The following MSRA variants were observed in gnomAD, a reference collection of about 807,000 sequenced individuals.
MSRA encodes methionine sulfoxide reductase A.
MSRA carries 54 observed loss-of-function variants against 31.3 expected under a neutral mutation model. The ratio of observed to expected loss-of-function variants is 1.73; its 90% CI spans 1.39 to 2.17. MSRA has a LOEUF of 2.17. Ranked by LOEUF, MSRA falls within the 30% of genes most tolerant of loss-of-function variation. The pLI, the probability that MSRA is intolerant of heterozygous loss-of-function variation, is 0.00. For missense variants in MSRA, 507 were observed against 300.9 expected (o/e 1.69, Z -5.07); for synonymous variants, 169 against 116.5 (o/e 1.45, Z -2.90).
At chr8:10,287,751 G>A (rs1015419773) in intron 3 of MSRA, among the ~76,000 whole-genome samples, 1 of 152,146 alleles carries the variant, frequency 6.6e-6, no homozygotes, top group Non-Finnish European at 1.5e-5. Flanking sequence ...TATCCTACAG[G>A]TGTGAAGTTG....
chr8:10,363,738 C>CCA (rs71203319), intron 5 of MSRA, among the ~76,000 whole-genome samples: 2,783 of 103,340 alleles, frequency 0.027, 85 homozygotes, highest in Middle Eastern at 0.056. Context: ...GATGCAGTCA[C>CCA]CACACACACA....
intron 3 of MSRA, among the ~76,000 whole-genome samples, chr8:10,259,773 C>G (rs1798373944): frequency 6.6e-6 from 1 of 152,214 alleles, no homozygotes; most frequent in Non-Finnish European, 1.5e-5. Context: ...CTCTCCCGGA[C>G]CTCAGCTTCC....
intron 1 of MSRA, among the ~76,000 whole-genome samples, chr8:10,101,089 T>C (rs1190027055): frequency 6.6e-6 from 1 of 152,200 alleles, no homozygotes; most frequent in Non-Finnish European, 1.5e-5. Context: ...AAACAAATAG[T>C]CCTTTACCGT....
intron 3 of MSRA, among the ~76,000 whole-genome samples, chr8:10,285,684 C>A (rs1799897297): frequency 6.6e-6 from 1 of 151,872 alleles, no homozygotes; most frequent in Non-Finnish European, 1.5e-5. Flanking sequence ...AACCACTCTA[C>A]TCTCTACTTC....
intron 1 of MSRA, among the ~76,000 whole-genome samples, chr8:10,175,806 C>T (rs980473514): frequency 6.6e-6 from 1 of 152,194 alleles, no homozygotes; most frequent in African/African-American, 2.4e-5. Flanking sequence ...ATTTTACTTT[C>T]TCCTTTTGTG....
chr8:10,208,742 C>A (rs1367329195), intron 2 of MSRA, among the ~76,000 whole-genome samples: 1 of 152,190 alleles, frequency 6.6e-6, no homozygotes, highest in African/African-American at 2.4e-5. Flanking sequence ...TCCTTCACCT[C>A]CACGTTTAGA....
chr8:10,423,303 C>T (rs1041059904), intron 5 of MSRA, among the ~76,000 whole-genome samples: 7 of 152,130 alleles, frequency 4.6e-5, no homozygotes, highest in African/African-American at 1.7e-4. Context: ...TGCTCCAATT[C>T]GTTAAGGAAA....
intron 1 of MSRA, among the ~76,000 whole-genome samples, chr8:10,084,404 G>T (rs143955595): frequency 6.6e-6 from 1 of 152,276 alleles, no homozygotes. Context: ...TTGGATCGTT[G>T]TAATAGTCTT....
intron 4 of MSRA, among the ~76,000 whole-genome samples, chr8:10,306,886 A>T (rs985464568): frequency 3.9e-5 from 6 of 152,170 alleles, no homozygotes; most frequent in African/African-American, 1.2e-4. Flanking sequence ...GTCCTGGAGC[A>T]AGGGAGAGCA....
chr8:10,330,202 G>GAT lies in MSRA; in HGVS notation c.543+10217_543+10218dup, dbSNP rs199781059. Among the ~76,000 whole-genome samples the GAT allele has an allele frequency of 1.0e-4, 11 of 107,976 alleles. No individual in the cohort carries two copies. The East Asian group carries it at 3.6e-3, about 36-fold the overall frequency. The allele number at this position is 107,976 out of a possible 152,430, so 70.8% of individuals were successfully genotyped here. ...TAGGTTCATTATAAGAATTAAATGTGATATACACACACACACACACACACA... is the reference window on the plus strand; with the variant it reads ...TAGGTTCATTATAAGAATTAAATGTGATATATACACACACACACACACACACA... On this transcript the variant is annotated intron_variant, in intron 5 of 5. Coordinates refer to ENST00000317173, the MANE Select transcript of MSRA (RefSeq NM_012331.5).
At chr8:10,304,829 G>C (rs544931914) in intron 4 of MSRA, among the ~76,000 whole-genome samples, 13 of 152,362 alleles carry the variant, frequency 8.5e-5, no homozygotes, top group African/African-American at 2.9e-4. Context: ...TTTTGAAAGA[G>C]AGCAGCAGGT....
chr8:10,203,881 G>A (rs1041368468), intron 1 of MSRA, among the ~76,000 whole-genome samples: 1 of 152,158 alleles, frequency 6.6e-6, no homozygotes, highest in African/African-American at 2.4e-5. Flanking sequence ...GGAAGACAGT[G>A]ATATTAATGA....
chr8:10,339,941 A>G (rs1803316540), intron 5 of MSRA, among the ~76,000 whole-genome samples: 1 of 152,078 alleles, frequency 6.6e-6, no homozygotes, highest in Admixed American at 6.5e-5. Context: ...TACCCCACCC[A>G]GGCCTCTGCT....
At chr8:10,360,073 C>T (rs1443908783) in intron 5 of MSRA, among the ~76,000 whole-genome samples, 3 of 152,190 alleles carry the variant, frequency 2.0e-5, no homozygotes, top group African/African-American at 7.2e-5. Flanking sequence ...TCCCTGGGGA[C>T]AGTGCAGCTC....
chr8:10,339,531 C>CTTT lies in MSRA; in HGVS notation c.543+19566_543+19568dup, dbSNP rs774034241. 8.1e-3 allele frequency among the ~76,000 whole-genome samples: 586 copies of CTTT among 72,760 alleles called. 29 individuals carry two copies. Among genetic ancestry groups the CTTT allele is most frequent in the African/African-American group, 0.026 (414 of 15,852 alleles). The allele number at this position is 72,760 out of a possible 152,430, so 47.7% of individuals were successfully genotyped here. A position where few individuals can be genotyped will look rare whatever the true frequency, so the allele number is the denominator to read the frequency against. ...GTTAAGCAAGGGGTTTTCTTTCTTT[C>CTTT]TTTTTTTTTTTTTTTTTTTTTTTTT... On this transcript the variant is annotated intron_variant, in intron 5 of 5. Transcript: ENST00000317173.
At chr8:10,212,394 A>C (rs1288381500) in intron 2 of MSRA, among the ~76,000 whole-genome samples, 1 of 152,226 alleles carries the variant, frequency 6.6e-6, no homozygotes, top group Non-Finnish European at 1.5e-5. Flanking sequence ...CAAGAATAAT[A>C]AATACACACC....
chr8:10,289,120 A>G (rs1163874681), intron 3 of MSRA, among the ~76,000 whole-genome samples: 1 of 151,894 alleles, frequency 6.6e-6, no homozygotes, highest in Non-Finnish European at 1.5e-5. Flanking sequence ...GGTTCAAGCC[A>G]TTCTCCTGCC....
At chr8:10,213,070 A>T (rs1361690073) in intron 2 of MSRA, among the ~76,000 whole-genome samples, 1 of 152,192 alleles carries the variant, frequency 6.6e-6, no homozygotes, top group South Asian at 2.1e-4. Flanking sequence ...ATTTTTAAAT[A>T]TACAATTAAA....
At chr8:10,294,952 A>G (rs754749714) in intron 3 of MSRA, among the ~76,000 whole-genome samples, 12 of 152,100 alleles carry the variant, frequency 7.9e-5, no homozygotes, top group Non-Finnish European at 1.2e-4. Context: ...CCTGGATTGA[A>G]TAGAAAGACC....
Sources: gnomAD v4.1 joint callset for allele counts (sites outside exome capture counted in the v4.1 genomes callset) on GRCh38, gnomAD v4.1.1 for gene constraint, MANE v1.5 for transcripts, NCBI Gene and HGNC (gene_info 2026-07-23, HGNC 2026-07-21) for gene names.